Variants in ROBO1 observed in about 807,000 individuals in gnomAD.
The protein encoded by ROBO1 is roundabout homolog 1.
ROBO1 carries 149 observed loss-of-function variants against 195.9 expected under a neutral mutation model. That is an observed-to-expected ratio of 0.76 (90% confidence interval 0.67 to 0.87). The LOEUF (loss-of-function observed/expected upper bound fraction) is 0.87, where lower values mean the gene tolerates loss of function less well. Among genes scored for constraint, ROBO1 ranks in the 40% least tolerant of loss-of-function variants. The pLI is 0.00. For synonymous variants in ROBO1, 816 were observed against 733.2 expected, an observed-to-expected ratio of 1.11 and a Z score of -1.82; for missense variants, 1,933 against 2,068.3, an observed-to-expected ratio of 0.93 and a Z score of 1.27.
intron 2 of ROBO1, among the ~76,000 whole-genome samples, chr3:79,253,512 T>G (rs1315580536): frequency 1.3e-5 from 2 of 152,234 alleles, no homozygotes; most frequent in Non-Finnish European, 2.9e-5. Context: ...GACTTCTGGC[T>G]GTTTTGGCTT....
intron 3 of ROBO1, among the ~76,000 whole-genome samples, chr3:78,941,225 T>C (rs2040120081): frequency 6.6e-6 from 1 of 152,152 alleles, no homozygotes; most frequent in Admixed American, 6.5e-5. Flanking sequence ...GTATACAGCA[T>C]GGTATAGATT....
chr3:79,513,355 G>GA (rs138251751), intron 2 of ROBO1, among the ~76,000 whole-genome samples: 54 of 151,720 alleles, frequency 3.6e-4, no homozygotes, highest in African/African-American at 1.3e-3. Context: ...TTTTTAAGGA[G>GA]AAAAAATAAT....
chr3:79,646,181 A>T (rs1945816437), intron 1 of ROBO1, among the ~76,000 whole-genome samples: 1 of 152,156 alleles, frequency 6.6e-6, no homozygotes, highest in South Asian at 2.1e-4. Flanking sequence ...AATAACCAGA[A>T]TACAAAAAGG....
intron 1 of ROBO1, among the ~76,000 whole-genome samples, chr3:79,752,219 G>A (rs1704158370): frequency 6.6e-6 from 1 of 152,146 alleles, no homozygotes; most frequent in Admixed American, 6.6e-5. Flanking sequence ...AGATAAAGAA[G>A]AGAGAGGAAG....
chr3:79,137,326 C>A lies in ROBO1; in HGVS notation c.89-11787G>T, dbSNP rs139163283. ...TATTATTTGGATAAGCTGAAATAAT[C>A]TTAATGGAGAGTAGGTAATTTTAAC... On this transcript the variant is annotated intron_variant, in intron 2 of 30. Transcript: ENST00000464233. Among the ~76,000 whole-genome samples the A allele has an allele frequency of 5.7e-3, 861 of 151,798 alleles. 10 individuals carry two copies. Among genetic ancestry groups the A allele is most frequent in the Admixed American group, 0.02 (308 of 15,256 alleles).
chr3:78,600,064 AAAC>A, intron 30 of ROBO1, 46 bp downstream of exon 30: 1 of 1,490,102 alleles, frequency 6.7e-7, no homozygotes, highest in South Asian at 1.1e-5. Context: ...TAACTACATA[AAAC>A]AACCACAGTC....
At chr3:78,986,779 C>A (rs4680947) in intron 3 of ROBO1, among the ~76,000 whole-genome samples, 183 of 152,170 alleles carry the variant, frequency 1.2e-3, no homozygotes, top group African/African-American at 4.2e-3. Context: ...CTGGGGTTGA[C>A]GGGGGAAAAA....
At chr3:79,507,523 G>A (rs1940466964) in intron 2 of ROBO1, among the ~76,000 whole-genome samples, 1 of 152,166 alleles carries the variant, frequency 6.6e-6, no homozygotes, top group Admixed American at 6.5e-5. Flanking sequence ...TTTTGGGAAT[G>A]AGAAGTGTAG....
intron 1 of ROBO1, among the ~76,000 whole-genome samples, chr3:79,759,108 C>T (rs1269695981): frequency 2.6e-5 from 4 of 152,052 alleles, no homozygotes; most frequent in African/African-American, 9.7e-5. Flanking sequence ...TTGTTTAGCA[C>T]AAAGCATGCT....
chr3:79,732,093 A>C (rs2107359852), intron 1 of ROBO1, among the ~76,000 whole-genome samples: 1 of 152,178 alleles, frequency 6.6e-6, no homozygotes, highest in African/African-American at 2.4e-5. Flanking sequence ...TTGTGTATAC[A>C]AACCCATCCA....
At chr3:78,907,249 T>A (rs1188014325) in intron 4 of ROBO1, among the ~76,000 whole-genome samples, 2 of 151,886 alleles carry the variant, frequency 1.3e-5, no homozygotes, top group Non-Finnish European at 2.9e-5. Flanking sequence ...TGTTGGCCCC[T>A]GAAAAGATCT....
intron 3 of ROBO1, among the ~76,000 whole-genome samples, chr3:78,981,970 A>C (rs1414745440): frequency 1.3e-5 from 2 of 152,074 alleles, no homozygotes; most frequent in Non-Finnish European, 2.9e-5. Flanking sequence ...GAAGAAAAAG[A>C]CTAAAAGTTG....
chr3:78,912,571 C>T (rs1230747216), intron 4 of ROBO1, among the ~76,000 whole-genome samples: 1 of 152,126 alleles, frequency 6.6e-6, no homozygotes, highest in African/African-American at 2.4e-5. Context: ...GGTGTTAAAG[C>T]TGAGTCTCAG....
At chr3:79,678,417 C>T (rs1300145594) in intron 1 of ROBO1, among the ~76,000 whole-genome samples, 1 of 151,944 alleles carries the variant, frequency 6.6e-6, no homozygotes, top group Non-Finnish European at 1.5e-5. Context: ...TCCTTTTAGT[C>T]TGTCACTTTC....
intron 2 of ROBO1, among the ~76,000 whole-genome samples, chr3:79,259,033 C>A (rs2082888755): frequency 1.3e-5 from 2 of 152,052 alleles, no homozygotes; most frequent in Non-Finnish European, 2.9e-5. Context: ...TGGATCTTGA[C>A]CCTAAACTTT....
At chr3:79,022,651 G>C (rs2078124901) in intron 3 of ROBO1, among the ~76,000 whole-genome samples, 1 of 152,182 alleles carries the variant, frequency 6.6e-6, no homozygotes, top group South Asian at 2.1e-4. Flanking sequence ...ATCAGTTTGG[G>C]TGGGAGACAC....
chr3:78,758,190 T>C (rs1230480235), intron 4 of ROBO1, among the ~76,000 whole-genome samples: 2 of 152,164 alleles, frequency 1.3e-5, no homozygotes, highest in African/African-American at 4.8e-5. Flanking sequence ...TTATTAATGA[T>C]GCTATCTTTT....
At chr3:79,142,032 G>T (rs2080538549) in intron 2 of ROBO1, among the ~76,000 whole-genome samples, 1 of 151,808 alleles carries the variant, frequency 6.6e-6, no homozygotes, top group Non-Finnish European at 1.5e-5. Flanking sequence ...ATAGTGAGAT[G>T]ATATGTTTCA....
At chr3:78,929,457 G>T (rs977058801) in intron 4 of ROBO1, among the ~76,000 whole-genome samples, 4 of 151,710 alleles carry the variant, frequency 2.6e-5, no homozygotes, top group Admixed American at 2.6e-4. Flanking sequence ...TGTCAACACA[G>T]AAATTATTTC....
Sources: allele counts gnomAD v4.1 joint callset (sites outside exome capture counted in the v4.1 genomes callset), GRCh38; gene constraint gnomAD v4.1.1; transcripts MANE v1.5; gene names NCBI Gene and HGNC (gene_info 2026-07-23, HGNC 2026-07-21).